Variants in FHIT observed in about 807,000 individuals in gnomAD.
The protein encoded by FHIT is bis(5'-adenosyl)-triphosphatase.
Under a neutral mutation model 17.9 loss-of-function variants are expected in FHIT, and 19 were observed. The ratio of observed to expected loss-of-function variants is 1.06; its 90% CI spans 0.74 to 1.56. FHIT has a LOEUF of 1.56. Among genes scored for constraint, FHIT ranks in the 40% most tolerant of loss-of-function variants. The probability of loss-of-function intolerance (pLI) is 0.00; values close to 1 mark genes in which losing one functional copy is unlikely to be tolerated. For synonymous variants in FHIT, 81 were observed against 69.7 expected (o/e 1.16, Z -0.81); for missense variants, 248 against 189.2 (o/e 1.31, Z -1.82).
At chr3:61,055,331 T>C (rs566097840) in intron 2 of FHIT, among the ~76,000 whole-genome samples, 4 of 152,274 alleles carry the variant, frequency 2.6e-5, no homozygotes, top group African/African-American at 9.6e-5. Context: ...GGTAATACAG[T>C]GCTCATTGTA....
At chr3:60,303,703 C>T (rs984164540) in intron 5 of FHIT, among the ~76,000 whole-genome samples, 1 of 152,100 alleles carries the variant, frequency 6.6e-6, no homozygotes, top group African/African-American at 2.4e-5. Context: ...CTGAGCCACC[C>T]CTTGGAGGTG....
chr3:59,846,495 A>T (rs2106772004), intron 8 of FHIT, among the ~76,000 whole-genome samples: 1 of 152,262 alleles, frequency 6.6e-6, no homozygotes, highest in East Asian at 1.9e-4. Flanking sequence ...TAAATTATAT[A>T]GAAAACAAAA....
intron 8 of FHIT, among the ~76,000 whole-genome samples, chr3:59,816,227 T>C (rs893529587): frequency 6.6e-6 from 1 of 152,172 alleles, no homozygotes; most frequent in African/African-American, 2.4e-5. Flanking sequence ...TGATCCTTGC[T>C]CTTGGGCTTG....
chr3:60,133,692 T>C (rs1699691607), intron 5 of FHIT, among the ~76,000 whole-genome samples: 1 of 151,206 alleles, frequency 6.6e-6, no homozygotes, highest in Non-Finnish European at 1.5e-5. Flanking sequence ...ATTCACATAC[T>C]GGGCAGAGCC....
intron 5 of FHIT, among the ~76,000 whole-genome samples, chr3:60,460,651 A>G (rs1188353366): frequency 6.6e-6 from 1 of 152,198 alleles, no homozygotes; most frequent in Non-Finnish European, 1.5e-5. Context: ...CATGTGGGTC[A>G]GGAGGATCCA....
At chr3:60,079,625 G>C (rs1484030273) in intron 5 of FHIT, among the ~76,000 whole-genome samples, 1 of 151,148 alleles carries the variant, frequency 6.6e-6, no homozygotes, top group African/African-American at 2.4e-5. Context: ...TTATTTTTTT[G>C]TTTGGCTTTG....
At chr3:61,208,970 A>G (rs543578017) in intron 1 of FHIT, among the ~76,000 whole-genome samples, 27 of 151,924 alleles carry the variant, frequency 1.8e-4, no homozygotes, top group African/African-American at 6.5e-4. Context: ...GTTCCTTTCC[A>G]TGTTTAGTGC....
At chr3:59,995,655 A>G (rs1699475482) in intron 7 of FHIT, among the ~76,000 whole-genome samples, 1 of 152,120 alleles carries the variant, frequency 6.6e-6, no homozygotes, top group African/African-American at 2.4e-5. Context: ...AGCACATCTT[A>G]GGCACCATGC....
chr3:60,290,078 G>C (rs920528983), intron 5 of FHIT, among the ~76,000 whole-genome samples: 1 of 152,144 alleles, frequency 6.6e-6, no homozygotes, highest in Admixed American at 6.5e-5. Flanking sequence ...GATGCTATGC[G>C]TGGCTTTCCA....
chr3:60,253,298 T>C (rs951475884), intron 5 of FHIT, among the ~76,000 whole-genome samples: 5 of 152,160 alleles, frequency 3.3e-5, no homozygotes, highest in South Asian at 2.1e-4. Flanking sequence ...TGAATCGACA[T>C]TGTAAAAAGG....
intron 5 of FHIT, among the ~76,000 whole-genome samples, chr3:60,058,797 C>T (rs980893142): frequency 2.6e-5 from 4 of 152,044 alleles, no homozygotes; most frequent in African/African-American, 7.2e-5. Context: ...ATAACATGAT[C>T]GATTTGTAAA....
At chr3:59,929,860 C>CTT (rs3047601) in intron 7 of FHIT, among the ~76,000 whole-genome samples, 2 of 143,682 alleles carry the variant, frequency 1.4e-5, no homozygotes, top group African/African-American at 5.2e-5. Context: ...ATGATACACG[C>CTT]TTTTTTTTTT....
intron 3 of FHIT, among the ~76,000 whole-genome samples, chr3:60,842,199 A>C (rs1553745200): frequency 1.3e-5 from 2 of 152,172 alleles, no homozygotes. Flanking sequence ...GCTGGAATGC[A>C]CAGAATTGAC....
chr3:60,356,986 C>T (rs975343489), intron 5 of FHIT, among the ~76,000 whole-genome samples: 13 of 152,064 alleles, frequency 8.5e-5, no homozygotes, highest in African/African-American at 3.1e-4. Flanking sequence ...ACCAATGAAG[C>T]TCTTAAAACA....
At chr3:60,032,671 C>T (rs1302525249) in intron 5 of FHIT, among the ~76,000 whole-genome samples, 1 of 152,110 alleles carries the variant, frequency 6.6e-6, no homozygotes, top group Admixed American at 6.6e-5. Context: ...CATTATGCCT[C>T]CCTATACACT....
chr3:60,008,054 C>A (rs748307278), intron 7 of FHIT, among the ~76,000 whole-genome samples: 1 of 152,086 alleles, frequency 6.6e-6, no homozygotes, highest in Non-Finnish European at 1.5e-5. Flanking sequence ...AAATCCAGGT[C>A]CTCACAAAGC....
At chr3:60,753,428 C>T (rs2042509076) in intron 4 of FHIT, among the ~76,000 whole-genome samples, 1 of 152,094 alleles carries the variant, frequency 6.6e-6, no homozygotes, top group Admixed American at 6.5e-5. Flanking sequence ...GAGCAGAGGG[C>T]GGATCCACTC....
chr3:60,327,113 C>A (rs572997057), intron 5 of FHIT, among the ~76,000 whole-genome samples: 1 of 152,276 alleles, frequency 6.6e-6, no homozygotes, highest in South Asian at 2.1e-4. Context: ...GGCTTCTTCC[C>A]TGATTTATTT....
intron 5 of FHIT, among the ~76,000 whole-genome samples, chr3:60,185,496 C>T (rs1233143228): frequency 6.6e-6 from 1 of 152,154 alleles, no homozygotes; most frequent in Non-Finnish European, 1.5e-5. Context: ...ACAGATGTAA[C>T]AGAGCTTGTT....
Sources: allele counts gnomAD v4.1 joint callset (sites outside exome capture counted in the v4.1 genomes callset), GRCh38; gene constraint gnomAD v4.1.1; transcripts MANE v1.5; gene names NCBI Gene and HGNC (gene_info 2026-07-23, HGNC 2026-07-21).